The following PTPRN2 variants were observed in gnomAD, a reference collection of about 807,000 sequenced individuals.
PTPRN2 encodes receptor-type tyrosine-protein phosphatase N2.
Under a neutral mutation model 118.8 loss-of-function variants are expected in PTPRN2, and 74 were observed. That is an observed-to-expected ratio of 0.62 (90% CI 0.52 to 0.76). The LOEUF is 0.76. Ranked by LOEUF, PTPRN2 falls within the 30% of genes least tolerant of loss-of-function variation. The probability of loss-of-function intolerance (pLI) is 0.00; values close to 1 mark genes in which losing one functional copy is unlikely to be tolerated. For synonymous variants in PTPRN2, 641 were observed against 608.0 expected (o/e 1.05, Z -0.80); for missense variants, 1,481 against 1,394.4 (o/e 1.06, Z -0.99).
intron 11 of PTPRN2, among the ~76,000 whole-genome samples, chr7:158,035,356 T>C (rs187487721): frequency 6.6e-6 from 1 of 152,282 alleles, no homozygotes; most frequent in East Asian, 1.9e-4. Flanking sequence ...CAGGCACAAA[T>C]TTTGAAGCAT....
intron 6 of PTPRN2, among the ~76,000 whole-genome samples, chr7:158,166,259 GGCT>G (rs1362968599): frequency 5.6e-5 from 7 of 125,678 alleles, no homozygotes; most frequent in East Asian, 4.7e-4. Flanking sequence ...TCCTCCCCCT[GGCT>G]GCCGCGTTCC....
intron 21 of PTPRN2, among the ~76,000 whole-genome samples, chr7:157,557,075 T>C (rs949356850): frequency 2.8e-5 from 4 of 144,894 alleles, no homozygotes; most frequent in African/African-American, 1.0e-4. Context: ...GTATCATACA[T>C]ACACACACAC....
In PTPRN2 at chr7:158,162,616, A is replaced by G. The variant is rs540969628; in HGVS notation, c.910+4315T>C. ...GGGGAAACTGGAGACGCTGAACTAG[A>G]TGAGCCCCAAATTCCTTCACCGGCC... On this transcript the variant is annotated intron_variant, in intron 6 of 22. Transcript: ENST00000389418. Among the ~76,000 whole-genome samples the G allele has an allele frequency of 4.6e-5, 7 of 152,232 alleles. No homozygotes were observed. In the South Asian group the frequency reaches 1.5e-3, roughly 32 times the overall value.
chr7:157,644,881 C>T (rs139333562), intron 14 of PTPRN2, among the ~76,000 whole-genome samples: 10 of 152,338 alleles, frequency 6.6e-5, no homozygotes, highest in Admixed American at 1.3e-4. Context: ...ATCCTATGCA[C>T]GATTTCCACC....
At chr7:157,638,166 C>CA (rs1427216455) in intron 14 of PTPRN2, among the ~76,000 whole-genome samples, 1 of 152,236 alleles carries the variant, frequency 6.6e-6, no homozygotes, top group Non-Finnish European at 1.5e-5. Flanking sequence ...TTGTCTGAGA[C>CA]AAAGTTAATA....
At chr7:158,374,208 G>A (rs1220126765) in intron 2 of PTPRN2, among the ~76,000 whole-genome samples, 1 of 152,180 alleles carries the variant, frequency 6.6e-6, no homozygotes, top group Non-Finnish European at 1.5e-5. Flanking sequence ...AGCAGTGAAG[G>A]GGAAGAGCTG....
rs565870325 is a variant in PTPRN2 at position 157,590,211 on chromosome 7, T to C, written c.2496+5027A>G. On this transcript the variant is annotated intron_variant, in intron 17 of 22. Transcript: ENST00000389418. This position sits in a 1 kb window ranked among gnomAD's most constrained non-coding sequence, Gnocchi z 4.0. The stretch of plus-strand genomic sequence containing the variant: ...CTTCCTTTAAAATTGTTCCACACTT[T>C]AAAAAAAAAGTTTATATGACAAAAT... 1.3e-5 allele frequency among the ~76,000 whole-genome samples: 2 copies of C among 151,816 alleles called. No homozygotes were observed. The highest frequency in any genetic ancestry group is 2.1e-4 in the South Asian group (1 of 4,808).
chr7:158,536,474 A>C (rs1274481065), intron 1 of PTPRN2, among the ~76,000 whole-genome samples: 1 of 151,186 alleles, frequency 6.6e-6, no homozygotes, highest in Non-Finnish European at 1.5e-5. Context: ...CGCCATTGAC[A>C]AGATGAGACT....
intron 21 of PTPRN2, among the ~76,000 whole-genome samples, chr7:157,549,277 C>T (rs530882766): frequency 7.3e-5 from 11 of 151,672 alleles, no homozygotes; most frequent in African/African-American, 2.7e-4. Flanking sequence ...AGCAGGCCGT[C>T]ACCGTCAGAA....
chr7:157,594,054 C>T (rs947574772), intron 17 of PTPRN2, among the ~76,000 whole-genome samples: 5 of 152,234 alleles, frequency 3.3e-5, no homozygotes, highest in African/African-American at 1.2e-4. Flanking sequence ...GCCATCTCTC[C>T]AATACCCATG....
At chr7:158,567,562 A>G (rs1827735764) in intron 1 of PTPRN2, among the ~76,000 whole-genome samples, 1 of 152,242 alleles carries the variant, frequency 6.6e-6, no homozygotes, top group Non-Finnish European at 1.5e-5. Flanking sequence ...GGCCCTGGAC[A>G]ACACAAGTAG....
Position 157,903,086 on chromosome 7 carries a change from A to G in PTPRN2, c.1724-4349T>C, listed in dbSNP as rs557900045. On this transcript the variant is annotated intron_variant, in intron 11 of 22. Transcript: ENST00000389418. The surrounding 1 kb of genome is among the most constrained non-coding windows in gnomAD (Gnocchi z 4.2). ...AGCAGAAAGCCACACGCTGCCACAC[A>G]CTCTCACACGGAAGCAGGAACCAGA... Among the ~76,000 whole-genome samples the G allele has an allele frequency of 6.6e-6, 1 of 152,018 alleles. No individual in the cohort carries two copies. Among genetic ancestry groups the G allele is most frequent in the Admixed American group, 6.6e-5 (1 of 15,266 alleles).
intron 21 of PTPRN2, among the ~76,000 whole-genome samples, chr7:157,563,222 G>T (rs1370080688): frequency 2.2e-4 from 18 of 81,544 alleles, no homozygotes; most frequent in South Asian, 4.5e-4. Flanking sequence ...ACACAGCAGA[G>T]CAGGACCACG....
intron 2 of PTPRN2, among the ~76,000 whole-genome samples, chr7:158,422,599 C>A (rs983823076): frequency 1.8e-4 from 27 of 152,236 alleles, no homozygotes; most frequent in African/African-American, 6.3e-4. Flanking sequence ...AGCAGCTACA[C>A]GGGATGTCAT....
intron 3 of PTPRN2, among the ~76,000 whole-genome samples, chr7:158,271,427 C>A (rs1328635377): frequency 6.6e-6 from 1 of 152,232 alleles, no homozygotes; most frequent in Admixed American, 6.5e-5. Flanking sequence ...TGAAAAGCCA[C>A]AATCAACGCT....
intron 2 of PTPRN2, among the ~76,000 whole-genome samples, chr7:158,328,709 G>A (rs1000908071): frequency 6.6e-6 from 1 of 151,724 alleles, no homozygotes; most frequent in Non-Finnish European, 1.5e-5. Context: ...TTGTGAGTGT[G>A]AGTGACGTCT....
At chr7:158,455,764 G>A (rs1818413773) in intron 2 of PTPRN2, among the ~76,000 whole-genome samples, 3 of 148,002 alleles carry the variant, frequency 2.0e-5, no homozygotes, top group Non-Finnish European at 4.4e-5. Context: ...ACAACGGCAT[G>A]GACGCCATCG....
intron 2 of PTPRN2, among the ~76,000 whole-genome samples, chr7:158,345,614 T>C (rs1807452819): frequency 1.3e-5 from 2 of 152,152 alleles, no homozygotes; most frequent in South Asian, 2.1e-4. Flanking sequence ...TCCAATGCCG[T>C]CCACTCATCC....
chr7:157,598,436 C>T lies in PTPRN2; in HGVS notation c.2419-3121G>A, dbSNP rs577551740. ...TGAGGAGCTTGGACGTCGGCGTCTC[C>T]GGGCCTCAGTCTCCATATCTGTATG... On this transcript the variant is annotated intron_variant, in intron 16 of 22. Transcript: ENST00000389418. The surrounding 1 kb of genome is among the most constrained non-coding windows in gnomAD (Gnocchi z 5.2). Among the ~76,000 whole-genome samples, 6 of 148,270 alleles carry T rather than the reference C, an allele frequency of 4.0e-5. No individual in the cohort carries two copies. Among genetic ancestry groups the T allele is most frequent in the East Asian group, 4.0e-4 (2 of 5,032 alleles).
Sources: gnomAD v4.1 joint callset for allele counts (sites outside exome capture counted in the v4.1 genomes callset) on GRCh38, gnomAD v4.1.1 for gene constraint, Gnocchi (gnomAD v3.1) non-coding constraint, MANE v1.5 for transcripts, NCBI Gene and HGNC (gene_info 2026-07-23, HGNC 2026-07-21) for gene names.